DCX: variants seen among roughly 807,000 people sequenced by gnomAD.
DCX encodes neuronal migration protein doublecortin.
DCX carries 4 observed loss-of-function variants against 20.9 expected under a neutral mutation model. The ratio of observed to expected loss-of-function variants is 0.19; its 90% CI spans 0.09 to 0.44. The LOEUF is 0.44. DCX is among the 20% of genes least tolerant of loss of function. The pLI, the probability that DCX is intolerant of heterozygous loss-of-function variation, is 0.99. For missense variants in DCX, 133 were observed against 296.9 expected (o/e 0.45, Z 4.06); for synonymous variants, 103 against 111.4 (o/e 0.92, Z 0.47).
chrX:111,373,309 A>T (rs1485108817), intron 3 of DCX, among the ~76,000 whole-genome samples: 1 of 111,781 alleles, frequency 8.9e-6, no homozygotes, highest in African/African-American at 3.2e-5. Context: ...ACCAAGTTCA[A>T]GCTGCAAGAA....
At chrX:111,410,561 G>T in intron 1 of DCX, 141 bp from the exon 2 acceptor site, 1 of 926,569 alleles carries the variant, frequency 1.1e-6, no homozygotes, top group Non-Finnish European at 1.5e-6. Context: ...GTTGAAAAAA[G>T]CCTGTGACCC....
At chrX:111,316,086 TAAAAAAAAA>T (rs754058802) in intron 5 of DCX, among the ~76,000 whole-genome samples, 1 of 50,630 alleles carries the variant, frequency 2.0e-5, no homozygotes, top group East Asian at 7.3e-4. Context: ...TAATAAAAAA[TAAAAAAAAA>T]AAAAAAAAAA....
intron 2 of DCX, among the ~76,000 whole-genome samples, chrX:111,407,073 T>A (rs1928264605): frequency 8.9e-6 from 1 of 112,011 alleles, no homozygotes; most frequent in Admixed American, 9.5e-5. Context: ...ACTCAAACAA[T>A]AATAACTACC....
intron 3 of DCX, among the ~76,000 whole-genome samples, chrX:111,333,756 G>T (rs1229155322): frequency 9.0e-6 from 1 of 111,709 alleles, no homozygotes; most frequent in Non-Finnish European, 1.9e-5. Context: ...ATGAGCAATG[G>T]GTCCCAATAG....
At chrX:111,407,301 C>T (rs1928280585) in intron 2 of DCX, among the ~76,000 whole-genome samples, 2 of 111,796 alleles carry the variant, frequency 1.8e-5, no homozygotes, top group African/African-American at 6.5e-5. Context: ...TAATCTGCTG[C>T]CTCTAAGACT....
intron 3 of DCX, among the ~76,000 whole-genome samples, chrX:111,376,243 A>G (rs1034406696): frequency 3.6e-5 from 4 of 111,983 alleles, no homozygotes; most frequent in South Asian, 7.4e-4. Context: ...CACACCCCGC[A>G]CAGAGTCCTT....
intron 3 of DCX, among the ~76,000 whole-genome samples, chrX:111,363,792 G>A (rs1405186028): frequency 9.0e-6 from 1 of 111,631 alleles, no homozygotes; most frequent in Admixed American, 9.5e-5. Flanking sequence ...ATTTGCAGTG[G>A]TCACAATCAC....
intron 3 of DCX, among the ~76,000 whole-genome samples, chrX:111,394,933 GA>G (rs1403378567): frequency 1.8e-5 from 2 of 112,169 alleles, no homozygotes; most frequent in Non-Finnish European, 3.8e-5. Context: ...TTACAAGTTT[GA>G]AAATATTCTT....
intron 6 of DCX, among the ~76,000 whole-genome samples, chrX:111,309,499 G>T: frequency 8.9e-6 from 1 of 112,189 alleles, no homozygotes; most frequent in Middle Eastern, 4.6e-3. Context: ...CTGAGACAGG[G>T]TCACAAGCTT....
intron 3 of DCX, among the ~76,000 whole-genome samples, chrX:111,370,612 ATAAT>A (rs1924997583): frequency 9.0e-6 from 1 of 111,242 alleles, no homozygotes; most frequent in African/African-American, 3.3e-5. Context: ...AGCGTCAGAA[ATAAT>A]TAGTCTGTCA....
intron 1 of DCX, chrX:111,411,125 T>C: frequency 4.1e-6 from 2 of 484,328 alleles, no homozygotes; most frequent in South Asian, 3.3e-5. Flanking sequence ...GGTGCAGCTA[T>C]CCGACATTCA....
intron 3 of DCX, among the ~76,000 whole-genome samples, chrX:111,387,428 C>G (rs1421058968): frequency 9.0e-6 from 1 of 111,513 alleles, no homozygotes; most frequent in African/African-American, 3.3e-5. Context: ...TCCTAAAGAT[C>G]CAAAATCTAA....
chrX:111,304,538 T>G (rs1182434710), intron 6 of DCX, among the ~76,000 whole-genome samples: 1 of 111,550 alleles, frequency 9.0e-6, no homozygotes, highest in Non-Finnish European at 1.9e-5. Context: ...CAATTGGGGG[T>G]TTGGAGCTCC....
intron 5 of DCX, among the ~76,000 whole-genome samples, chrX:111,329,386 A>C (rs1239266345): frequency 9.0e-6 from 1 of 111,711 alleles, no homozygotes; most frequent in Non-Finnish European, 1.9e-5. Flanking sequence ...TGGAGCATCT[A>C]CTAGGGGCCA....
In DCX at chrX:111,331,009, T is replaced by C. The variant is rs747868768; in HGVS notation, c.841A>G (p.Thr281Ala). ...CRVMKGNPSA[T>A]AGPKASPTPQ... is the part of the protein sequence containing the mutation. ...GTTGGGGATGCCTTTGGGCCAGCTG[T>C]GGCTGATGGGTTTCCCTTCATGACT... The change falls in exon 5 of 7, where the codon ACA becomes GCA. Residue 281 changes from threonine to alanine, a missense_variant. This residue lies in a region of DCX where 68 missense variants were observed against 84.3 expected (regional missense o/e 0.81). Transcript: ENST00000636035. 1 of 1,211,794 alleles carries C rather than the reference T, an allele frequency of 8.3e-7. No homozygotes were observed. The highest frequency in any genetic ancestry group is 2.2e-5 in the Admixed American group (1 of 46,037).
At position 111,300,745 on chromosome X, in the gene DCX, T is replaced by C. The variant is rs1388036875; in HGVS notation, c.*942A>G. On this transcript the variant is annotated 3_prime_UTR_variant, in exon 7 of 7. Coordinates refer to ENST00000636035, the MANE Select transcript of DCX (RefSeq NM_001195553.2). ...GACATGAATTTTTATAAAAAGGATA[T>C]TGATTTCTTGCTATAAAAAGAGACT... The C allele has an allele frequency of 9.0e-6, 1 of 111,575 alleles. No homozygotes were observed. The highest frequency in any genetic ancestry group is 3.3e-5 in the African/African-American group (1 of 30,611). The allele number at this position is 111,575 out of a possible 1,213,427, so 9.2% of individuals were successfully genotyped here. A position where few individuals can be genotyped will look rare whatever the true frequency, so the allele number is the denominator to read the frequency against.
intron 3 of DCX, among the ~76,000 whole-genome samples, chrX:111,334,645 G>A (rs1921554620): frequency 8.9e-6 from 1 of 112,149 alleles, no homozygotes; most frequent in Non-Finnish European, 1.9e-5. Context: ...GAGCAATGAA[G>A]CCAAATAAAC....
chrX:111,385,857 C>A (rs1926459212), intron 3 of DCX, among the ~76,000 whole-genome samples: 1 of 108,315 alleles, frequency 9.2e-6, no homozygotes, highest in African/African-American at 3.4e-5. Context: ...AAATCAGGTT[C>A]TCCTTTGTAT....
chrX:111,341,269 A>G (rs1217106687), intron 3 of DCX, among the ~76,000 whole-genome samples: 2 of 109,364 alleles, frequency 1.8e-5, no homozygotes, highest in African/African-American at 6.7e-5. Context: ...AGAAGAAAGG[A>G]TATCAGAGTT....
Sources: gnomAD v4.1 joint callset for allele counts (sites outside exome capture counted in the v4.1 genomes callset) on GRCh38, gnomAD v4.1.1 for gene constraint, gnomAD v4.1.1 regional missense constraint, MANE v1.5 for transcripts, NCBI Gene and HGNC (gene_info 2026-07-23, HGNC 2026-07-21) for gene names.